PDE1A: variants seen among roughly 807,000 people sequenced by gnomAD.
PDE1A encodes dual specificity calcium/calmodulin-dependent 3',5'-cyclic nucleotide phosphodiesterase 1A.
A neutral mutation model predicts 61.7 loss-of-function variants in PDE1A; 35 were observed. That is an observed-to-expected ratio of 0.57 (90% CI 0.43 to 0.75). The LOEUF is 0.75. Ranked by LOEUF, PDE1A falls within the 30% of genes least tolerant of loss-of-function variation. PDE1A has a pLI of 0.00. For missense variants in PDE1A, 597 were observed against 630.6 expected (o/e 0.95, Z 0.57); for synonymous variants, 232 against 213.2 (o/e 1.09, Z -0.77).
At chr2:182,252,505 TCAGAGTAAAGTTTC>T (rs36212772) in intron 2 of PDE1A, among the ~76,000 whole-genome samples, 110,241 of 151,638 alleles carry the variant, frequency 0.73, 40,854 homozygotes, top group African/African-American at 0.88. Context: ...ATGTGATAAG[TCAGAGTAAAGTTTC>T]CAGAGTAAAG....
At chr2:182,336,760 A>T (rs1311325127) in intron 1 of PDE1A, among the ~76,000 whole-genome samples, 1 of 82,636 alleles carries the variant, frequency 1.2e-5, no homozygotes, top group African/African-American at 3.1e-5. Flanking sequence ...CAGAACTTAA[A>T]GTATATATAT....
chr2:182,305,223 T>G (rs1305370312), intron 1 of PDE1A, among the ~76,000 whole-genome samples: 1 of 152,160 alleles, frequency 6.6e-6, no homozygotes, highest in Non-Finnish European at 1.5e-5. Flanking sequence ...TTTTTCAGAG[T>G]CTATTTTTGG....
chr2:182,489,520 A>C (rs2125875477), intron 2 of PDE1A, among the ~76,000 whole-genome samples: 1 of 152,290 alleles, frequency 6.6e-6, no homozygotes, highest in Admixed American at 6.5e-5. Flanking sequence ...GAGAGATGAC[A>C]GCAGCTCGGA....
chr2:182,623,636 A>G, the PDE1A span, among the ~76,000 whole-genome samples: 1 of 152,206 alleles, frequency 6.6e-6, no homozygotes, highest in Non-Finnish European at 1.5e-5. Flanking sequence ...AGAGAGCCTT[A>G]GGAGTGGAGG....
At chr2:182,199,477 T>C (rs563052634) in intron 10 of PDE1A, among the ~76,000 whole-genome samples, 36 of 152,172 alleles carry the variant, frequency 2.4e-4, no homozygotes, top group Middle Eastern at 3.4e-3. Flanking sequence ...ACTGCTTCAG[T>C]TGCATCCAAC....
At chr2:182,271,069 C>T (rs1465102093) in intron 1 of PDE1A, among the ~76,000 whole-genome samples, 4 of 150,382 alleles carry the variant, frequency 2.7e-5, no homozygotes, top group East Asian at 3.9e-4. Context: ...TAATTGAACA[C>T]AATGAAAACA....
At chr2:182,444,351 G>A (rs776385039) in intron 2 of PDE1A, among the ~76,000 whole-genome samples, 3 of 152,080 alleles carry the variant, frequency 2.0e-5, no homozygotes, top group Non-Finnish European at 4.4e-5. Context: ...TTGTGGCTGT[G>A]TATTTTTACT....
intron 2 of PDE1A, among the ~76,000 whole-genome samples, chr2:182,481,616 G>C (rs995829174): frequency 9.2e-5 from 14 of 151,932 alleles, no homozygotes; most frequent in African/African-American, 3.4e-4. Flanking sequence ...GGAAGGACCT[G>C]ATTTAAAGCA....
At chr2:182,681,642 A>G in the PDE1A span, among the ~76,000 whole-genome samples, 1 of 150,452 alleles carries the variant, frequency 6.6e-6, no homozygotes, top group Non-Finnish European at 1.5e-5. Context: ...CTTTGTATAT[A>G]GATTACTCTT....
rs137910501 is a variant in PDE1A at position 182,448,137 on chromosome 2, T to A, written c.101+74139A>T. 7.6e-4 allele frequency among the ~76,000 whole-genome samples: 115 copies of A among 152,216 alleles called. 1 individual carries two copies. The highest frequency in any genetic ancestry group is 5.5e-3 in the Admixed American group (84 of 15,270). On this transcript the variant is annotated intron_variant, in intron 2 of 14. Coordinates refer to the PDE1A transcript ENST00000410103. ...AGTGAAACTTCTTTTAATTTGCAAGTCTTTGGCTTTCCTAACATTTCAAGA... is the reference window on the plus strand; with the variant it reads ...AGTGAAACTTCTTTTAATTTGCAAGACTTTGGCTTTCCTAACATTTCAAGA...
intron 13 of PDE1A, among the ~76,000 whole-genome samples, chr2:182,170,123 C>T (rs1343611856): frequency 6.6e-6 from 1 of 151,992 alleles, no homozygotes; most frequent in East Asian, 1.9e-4. Flanking sequence ...TCATAATTAA[C>T]TTCTAGAACA....
intron 1 of PDE1A, among the ~76,000 whole-genome samples, chr2:182,391,919 A>C (rs1289994256): frequency 2.0e-5 from 3 of 152,234 alleles, no homozygotes; most frequent in Admixed American, 1.3e-4. Context: ...AATTTTAATT[A>C]TAAAAATAGG....
intron 2 of PDE1A, among the ~76,000 whole-genome samples, chr2:182,482,190 G>A (rs1687742895): frequency 2.6e-5 from 4 of 151,822 alleles, no homozygotes; most frequent in Admixed American, 2.0e-4. Flanking sequence ...ATTAATAAAT[G>A]TAGGAAGTAA....
intron 1 of PDE1A, among the ~76,000 whole-genome samples, chr2:182,411,889 C>T (rs910456936): frequency 6.6e-6 from 1 of 151,928 alleles, no homozygotes; most frequent in Admixed American, 6.6e-5. Flanking sequence ...GAAACCCCGT[C>T]TCTACTAAAA....
chr2:182,201,747 G>A lies in PDE1A; in HGVS notation c.945C>T (p.Asp315=), dbSNP rs376395356. 23 of 1,612,170 alleles carry A rather than the reference G, an allele frequency of 1.4e-5. No homozygotes were observed. The African/African-American group carries it at 1.5e-4, about 10-fold the overall frequency. The change falls in exon 9 of 14, where the codon GAC becomes GAT. Residue 315 remains aspartate, a synonymous_variant. Transcript: ENST00000351439. Reference sequence around the variant, plus strand: ...TAATTTGCTGGAAGTGACCTGACATGTCTGTAGATAAAACCATTTCAATCA... The same window carrying A: ...TAATTTGCTGGAAGTGACCTGACATATCTGTAGATAAAACCATTTCAATCA...
intron 10 of PDE1A, among the ~76,000 whole-genome samples, chr2:182,194,665 G>A (rs1317937601): frequency 1.3e-5 from 2 of 151,876 alleles, no homozygotes; most frequent in East Asian, 3.9e-4. Flanking sequence ...GGCTTTAGAG[G>A]GTGAAACTAA....
the PDE1A span, among the ~76,000 whole-genome samples, chr2:182,679,109 A>G: frequency 6.8e-6 from 1 of 148,032 alleles, no homozygotes; most frequent in African/African-American, 2.5e-5. Context: ...GGTTCAAGTG[A>G]TTCTCATGCC....
chr2:182,487,671 A>G (rs535008642), intron 2 of PDE1A, among the ~76,000 whole-genome samples: 1 of 152,294 alleles, frequency 6.6e-6, no homozygotes, highest in South Asian at 2.1e-4. Context: ...GGGGATGGGT[A>G]GGAGTGGGCC....
At chr2:182,307,527 T>A (rs1056778513) in intron 1 of PDE1A, among the ~76,000 whole-genome samples, 1 of 152,174 alleles carries the variant, frequency 6.6e-6, no homozygotes. Flanking sequence ...TGAATTTCTG[T>A]TCATTATAAA....
Sources: gnomAD v4.1 joint callset for allele counts (sites outside exome capture counted in the v4.1 genomes callset) on GRCh38, gnomAD v4.1.1 for gene constraint, MANE v1.5 for transcripts, NCBI Gene and HGNC (gene_info 2026-07-23, HGNC 2026-07-21) for gene names.